The following KATNAL2 variants were observed in gnomAD, a reference collection of about 807,000 sequenced individuals.
The protein encoded by KATNAL2 is katanin catalytic subunit A1 like 2.
In KATNAL2, 52 loss-of-function variants were observed where a neutral mutation model predicts 76.3. The observed-to-expected ratio is 0.68, with a 90% CI of 0.55 to 0.86. The LOEUF is 0.86. KATNAL2 is among the 40% of genes least tolerant of loss of function. The pLI is 0.00. For synonymous variants in KATNAL2, 243 were observed against 244.2 expected (o/e 1.00, Z 0.05); for missense variants, 660 against 668.9 (o/e 0.99, Z 0.15).
chr18:46,968,120 G>T (rs1223802080), intron 3 of KATNAL2, among the ~76,000 whole-genome samples: 8 of 117,436 alleles, frequency 6.8e-5, no homozygotes, highest in Non-Finnish European at 1.3e-4. Context: ...TGGAGACGGG[G>T]TTTCTCCGTT....
At chr18:46,919,401 G>A (rs1256949121) in intron 1 of KATNAL2, among the ~76,000 whole-genome samples, 2 of 152,016 alleles carry the variant, frequency 1.3e-5, no homozygotes, top group South Asian at 4.2e-4. Context: ...CAGGAGAATC[G>A]CTTGAACCCT....
chr18:47,051,335 G>A (rs978410187), intron 4 of KATNAL2, among the ~76,000 whole-genome samples: 2 of 152,036 alleles, frequency 1.3e-5, no homozygotes, highest in Non-Finnish European at 1.5e-5. Context: ...AAAGGCTGAG[G>A]TGGGAGGATT....
At chr18:46,935,751 A>T (rs2059070575) in intron 1 of KATNAL2, among the ~76,000 whole-genome samples, 2 of 151,994 alleles carry the variant, frequency 1.3e-5, no homozygotes, top group Non-Finnish European at 2.9e-5. Context: ...CCCCATCTCT[A>T]CTAAAAATAC....
chr18:47,038,971 A>G (rs751344965), intron 3 of KATNAL2, among the ~76,000 whole-genome samples: 9 of 152,186 alleles, frequency 5.9e-5, no homozygotes, highest in Non-Finnish European at 8.8e-5. Flanking sequence ...GTAGTAATAA[A>G]GTGTCATTGC....
At chr18:46,949,396 G>A (rs1352113670) in intron 3 of KATNAL2, among the ~76,000 whole-genome samples, 2 of 152,090 alleles carry the variant, frequency 1.3e-5, no homozygotes, top group African/African-American at 4.8e-5. Flanking sequence ...GGAACCACAG[G>A]CATGTACCAT....
At chr18:47,083,074 G>A (rs907250656) in intron 15 of KATNAL2, among the ~76,000 whole-genome samples, 1 of 152,102 alleles carries the variant, frequency 6.6e-6, no homozygotes, top group African/African-American at 2.4e-5. Context: ...AACTTTCTCT[G>A]TTAGAAATAA....
chr18:46,937,012 A>G (rs1326958990), intron 1 of KATNAL2, among the ~76,000 whole-genome samples: 1 of 152,124 alleles, frequency 6.6e-6, no homozygotes, highest in Non-Finnish European at 1.5e-5. Context: ...AGTGACTATA[A>G]ACCAATGTGG....
At position 47,101,864 on chromosome 18, in the gene KATNAL2, G is replaced by C. The variant is rs958236309; in HGVS notation, c.*859G>C. 1 of 152,086 alleles carries C rather than the reference G, an allele frequency of 6.6e-6. No individual in the cohort carries two copies. Among genetic ancestry groups the C allele is most frequent in the East Asian group, 1.9e-4 (1 of 5,190 alleles). The allele number at this position is 152,086 out of a possible 1,614,324, so 9.4% of individuals were successfully genotyped here. On this transcript the variant is annotated 3_prime_UTR_variant, in exon 18 of 18. Coordinates refer to ENST00000683218, the MANE Select transcript of KATNAL2 (RefSeq NM_001387690.1). ...CTTAAGGGGTTATAAACAACTAGAC[G>C]CATCTCTCTCAGAAACCCACAATCC...
intron 11 of KATNAL2, 32 bp downstream of exon 11, chr18:47,067,151 C>A: frequency 8.8e-7 from 1 of 1,132,934 alleles, no homozygotes; most frequent in South Asian, 1.5e-5. Flanking sequence ...GGGGTTATTT[C>A]TGTTCACTAT....
intron 10 of KATNAL2, 61 bp downstream of exon 10, chr18:47,063,422 T>C (rs2061695973): frequency 7.8e-7 from 1 of 1,277,620 alleles, no homozygotes; most frequent in Non-Finnish European, 1.1e-6. Flanking sequence ...TGGAGCTTTG[T>C]GGGCTGCTTC....
chr18:47,059,527 C>A (rs768593221), intron 7 of KATNAL2, 29 bp from the exon 8 acceptor site: 3 of 1,499,270 alleles, frequency 2.0e-6, no homozygotes, highest in African/African-American at 1.4e-5. Flanking sequence ...CTGCTCACAG[C>A]CGATGTGTCC....
In KATNAL2 at chr18:47,054,476, C is replaced by T. The variant is rs559143802; in HGVS notation, c.332+38C>T. 2.1e-5 allele frequency: 34 copies of T among 1,596,872 alleles called. No homozygotes were observed. In the Middle Eastern group the frequency reaches 5.0e-4, roughly 23 times the overall value. ...GTAATTCTTCTTAATCGACTCGGCT[C>T]GAGGAGCTTGTGGAATCCCTTTCCA... is the stretch of plus-strand genomic sequence containing the variant. On this transcript the variant is annotated intron_variant, in intron 6 of 17. Coordinates refer to ENST00000683218, the MANE Select transcript of KATNAL2 (RefSeq NM_001387690.1).
intron 15 of KATNAL2, among the ~76,000 whole-genome samples, chr18:47,086,886 T>C (rs192919071): frequency 3.9e-5 from 6 of 152,332 alleles, no homozygotes; most frequent in Admixed American, 1.3e-4. Context: ...TTTGATCTCA[T>C]CAGACAAAAA....
chr18:46,948,160 G>A (rs561514931), intron 3 of KATNAL2, among the ~76,000 whole-genome samples: 46 of 152,274 alleles, frequency 3.0e-4, no homozygotes, highest in Admixed American at 1.4e-3. Flanking sequence ...GCCCAGGCTG[G>A]AGTGCAGTGG....
intron 3 of KATNAL2, among the ~76,000 whole-genome samples, chr18:47,042,299 G>A (rs932414474): frequency 1.3e-5 from 2 of 152,144 alleles, no homozygotes; most frequent in Non-Finnish European, 2.9e-5. Context: ...GAGCAAAATC[G>A]ATCAAACAAG....
chr18:46,959,060 G>C (rs2059851094), intron 3 of KATNAL2, among the ~76,000 whole-genome samples: 1 of 152,010 alleles, frequency 6.6e-6, no homozygotes, highest in Admixed American at 6.6e-5. Context: ...TAATCGCATG[G>C]GCTCCTAAAA....
At chr18:47,035,101 C>T (rs1485399629) in intron 3 of KATNAL2, 1 of 1,610,866 alleles carries the variant, frequency 6.2e-7, no homozygotes, top group African/African-American at 1.3e-5. Context: ...CTTCCGCAGG[C>T]GCTTCACCGT....
At chr18:47,067,184 C>T (rs2061840908) in intron 11 of KATNAL2, 65 bp downstream of exon 11, 1 of 727,468 alleles carries the variant, frequency 1.4e-6, no homozygotes, top group East Asian at 2.8e-5. Flanking sequence ...CTGTATGTCA[C>T]ACAACTATCA....
intron 1 of KATNAL2, among the ~76,000 whole-genome samples, chr18:46,925,636 T>G (rs1382806326): frequency 6.6e-6 from 1 of 152,198 alleles, no homozygotes; most frequent in Non-Finnish European, 1.5e-5. Flanking sequence ...TTCTATTGAT[T>G]GGAATAGTTT....
Sources: gnomAD v4.1 joint callset for allele counts (sites outside exome capture counted in the v4.1 genomes callset) on GRCh38, gnomAD v4.1.1 for gene constraint, MANE v1.5 for transcripts, NCBI Gene and HGNC (gene_info 2026-07-23, HGNC 2026-07-21) for gene names.